The following GALNT10 variants were observed in gnomAD, a reference collection of about 807,000 sequenced individuals.
GALNT10 encodes the protein polypeptide N-acetylgalactosaminyltransferase 10.
GALNT10 carries 41 observed loss-of-function variants against 75.0 expected under a neutral mutation model. The ratio of observed to expected loss-of-function variants is 0.55; its 90% CI spans 0.43 to 0.71. The LOEUF is 0.71. GALNT10 is among the 30% of genes least tolerant of loss of function. The pLI is 0.00. For synonymous variants in GALNT10, 302 were observed against 313.0 expected, an observed-to-expected ratio of 0.96 and a Z score of 0.37; for missense variants, 727 against 818.5, an observed-to-expected ratio of 0.89 and a Z score of 1.36.
Position 154,412,806 on chromosome 5 carries a change from T to A in GALNT10, c.1387-83T>A, listed in dbSNP as rs114058676. The A allele has an allele frequency of 4.0e-3, 3,628 of 897,210 alleles. 67 individuals are homozygous for A. The African/African-American group carries it at 0.051, about 13-fold the overall frequency. The allele number at this position is 897,210 out of a possible 1,614,324, so 55.6% of individuals were successfully genotyped here. A position where few individuals can be genotyped will look rare whatever the true frequency, so the allele number is the denominator to read the frequency against. ...GTTAATCCAGCTAATGTCTCCCACT[T>A]GGTTTCCCCTTTCACCTGGCAGGGA... is the stretch of plus-strand genomic sequence containing the variant. On this transcript the variant is annotated intron_variant, in intron 9 of 11. Coordinates refer to ENST00000297107, the MANE Select transcript of GALNT10 (RefSeq NM_198321.4). The surrounding 1 kb of genome is among the most constrained non-coding windows in gnomAD (Gnocchi z 4.2).
intron 1 of GALNT10, among the ~76,000 whole-genome samples, chr5:154,204,009 G>C (rs936110315): frequency 6.6e-6 from 1 of 152,170 alleles, no homozygotes; most frequent in Non-Finnish European, 1.5e-5. Flanking sequence ...ATTTGCAAAA[G>C]CAGTCAGCAA....
chr5:154,202,086 C>G (rs1775036080), intron 1 of GALNT10, among the ~76,000 whole-genome samples: 1 of 152,186 alleles, frequency 6.6e-6, no homozygotes, highest in Non-Finnish European at 1.5e-5. Context: ...GGTTTCCCAG[C>G]AGAAATGGTA....
intron 3 of GALNT10, among the ~76,000 whole-genome samples, chr5:154,324,798 G>A (rs1332700389): frequency 6.6e-6 from 1 of 152,162 alleles, no homozygotes; most frequent in Non-Finnish European, 1.5e-5. Flanking sequence ...AACTCAGTAA[G>A]TTGCTGCCCT....
intron 7 of GALNT10, among the ~76,000 whole-genome samples, chr5:154,403,207 G>T (rs1756204752): frequency 6.6e-6 from 1 of 152,110 alleles, no homozygotes; most frequent in Admixed American, 6.5e-5. Context: ...GCCAAGGAGG[G>T]TCTGTGTAGG....
chr5:154,250,951 C>A (rs1753509630), intron 1 of GALNT10, among the ~76,000 whole-genome samples: 1 of 152,152 alleles, frequency 6.6e-6, no homozygotes. Context: ...ATACTCTGTT[C>A]ATGATCCCTG....
In GALNT10 at chr5:154,412,893, G is replaced by T. The variant is rs142635658; in HGVS notation, c.1391G>T (p.Arg464Leu). Residue 464 changes from arginine to leucine, a missense_variant, in exon 10 of 12, where the codon CGA (arginine) becomes CTA (leucine). Coordinates refer to ENST00000297107, the MANE Select transcript of GALNT10 (RefSeq NM_198321.4). The surrounding 1 kb of genome is among the most constrained non-coding windows in gnomAD (Gnocchi z 4.2). The part of the protein sequence containing the change: ...EPPAAAWGEI[R>L]NVGTGLCADT... The stretch of plus-strand genomic sequence containing the variant: ...TCTTCCCTCTTTCCCTTTCAGATCC[G>T]AAATGTGGGCACAGGGCTGTGTGCA... The T allele has an allele frequency of 1.2e-6, 2 of 1,611,100 alleles. No individual in the cohort carries two copies. Among genetic ancestry groups the T allele is most frequent in the South Asian group, 2.2e-5 (2 of 91,008 alleles).
At chr5:154,303,165 G>A (rs991845490) in intron 3 of GALNT10, among the ~76,000 whole-genome samples, 1 of 152,148 alleles carries the variant, frequency 6.6e-6, no homozygotes, top group African/African-American at 2.4e-5. Context: ...TAAGACACTG[G>A]ACATCAGGCA....
chr5:154,313,674 T>G (rs908036117), intron 3 of GALNT10, among the ~76,000 whole-genome samples: 7 of 152,148 alleles, frequency 4.6e-5, no homozygotes, highest in African/African-American at 1.7e-4. Context: ...ATCTTTTGGG[T>G]CCTTTTATTC....
At chr5:154,201,855 G>A (rs575244381) in intron 1 of GALNT10, among the ~76,000 whole-genome samples, 3 of 152,092 alleles carry the variant, frequency 2.0e-5, no homozygotes, top group Non-Finnish European at 2.9e-5. Flanking sequence ...TTTGAAGCTG[G>A]GAGGCGGAGG....
chr5:154,346,418 G>T (rs958791521), intron 4 of GALNT10, among the ~76,000 whole-genome samples: 3 of 152,160 alleles, frequency 2.0e-5, no homozygotes, highest in African/African-American at 7.2e-5. Context: ...ATGAGCCAAA[G>T]CTCATTCTCT....
intron 1 of GALNT10, among the ~76,000 whole-genome samples, chr5:154,254,790 G>A (rs6873203): frequency 0.65 from 99,063 of 151,944 alleles, 32,688 homozygotes; most frequent in East Asian, 0.86. Flanking sequence ...AACTCTATTC[G>A]AAATGACCAA....
At chr5:154,262,109 A>C (rs1346722023) in intron 1 of GALNT10, among the ~76,000 whole-genome samples, 1 of 152,198 alleles carries the variant, frequency 6.6e-6, no homozygotes, top group African/African-American at 2.4e-5. Flanking sequence ...GACAAGGAAT[A>C]CATTTGAGTT....
intron 1 of GALNT10, among the ~76,000 whole-genome samples, chr5:154,247,495 C>T (rs1458468399): frequency 6.6e-6 from 1 of 152,020 alleles, no homozygotes; most frequent in Non-Finnish European, 1.5e-5. Flanking sequence ...ATTGAGCAGT[C>T]GTTTGTAGTT....
At chr5:154,287,052 A>C (rs1425100614) in intron 1 of GALNT10, among the ~76,000 whole-genome samples, 1 of 152,242 alleles carries the variant, frequency 6.6e-6, no homozygotes, top group Non-Finnish European at 1.5e-5. Context: ...TCAGCCTATG[A>C]AAAGGGGACA....
chr5:154,325,726 T>A (rs989672203), intron 3 of GALNT10, among the ~76,000 whole-genome samples: 1 of 151,898 alleles, frequency 6.6e-6, no homozygotes, highest in African/African-American at 2.4e-5. Context: ...TGCTCCAAGC[T>A]GATAAAGTGC....
intron 3 of GALNT10, among the ~76,000 whole-genome samples, chr5:154,316,869 C>T (rs1272129034): frequency 6.6e-6 from 1 of 152,164 alleles, no homozygotes; most frequent in East Asian, 1.9e-4. Flanking sequence ...TTACTGAAGC[C>T]CCATGCCCTT....
intron 1 of GALNT10, among the ~76,000 whole-genome samples, chr5:154,249,531 C>T (rs928105225): frequency 6.6e-6 from 1 of 152,036 alleles, no homozygotes; most frequent in African/African-American, 2.4e-5. Flanking sequence ...AATCCTATGC[C>T]CACCACCAGT....
intron 3 of GALNT10, among the ~76,000 whole-genome samples, chr5:154,319,218 G>A (rs1445203626): frequency 6.6e-6 from 1 of 152,164 alleles, no homozygotes; most frequent in African/African-American, 2.4e-5. Context: ...ACAGAGGGAG[G>A]ACACAGAAGA....
intron 7 of GALNT10, among the ~76,000 whole-genome samples, chr5:154,397,751 G>A (rs1283794226): frequency 1.3e-5 from 2 of 152,256 alleles, no homozygotes; most frequent in African/African-American, 4.8e-5. Context: ...CCAGCTGCCA[G>A]TCTTTTCCTT....
Sources: allele counts gnomAD v4.1 joint callset (sites outside exome capture counted in the v4.1 genomes callset), GRCh38; gene constraint gnomAD v4.1.1; non-coding constraint Gnocchi (gnomAD v3.1); transcripts MANE v1.5; gene names NCBI Gene and HGNC (gene_info 2026-07-23, HGNC 2026-07-21).